The following CLVS1 variants were observed in gnomAD, a reference collection of about 807,000 sequenced individuals.
CLVS1 encodes clavesin 1.
In CLVS1, 10 loss-of-function variants were observed where a neutral mutation model predicts 33.1. The ratio of observed to expected loss-of-function variants is 0.30; its 90% CI spans 0.19 to 0.51. The LOEUF (loss-of-function observed/expected upper bound fraction) is 0.51, where lower values mean the gene tolerates loss of function less well. Ranked by LOEUF, CLVS1 falls within the 20% of genes least tolerant of loss-of-function variation. The probability of loss-of-function intolerance (pLI) is 0.97; values close to 1 mark genes in which losing one functional copy is unlikely to be tolerated. For synonymous variants in CLVS1, 163 were observed against 166.1 expected, an observed-to-expected ratio of 0.98 and a Z score of 0.14; for missense variants, 343 against 433.4, an observed-to-expected ratio of 0.79 and a Z score of 1.85.
At chr8:61,062,684 G>A (rs1013470514) in intron 1 of CLVS1, among the ~76,000 whole-genome samples, 8 of 152,236 alleles carry the variant, frequency 5.3e-5, no homozygotes, top group Non-Finnish European at 1.0e-4. Context: ...TGAAAGTTGT[G>A]AAGTCTCTAG....
chr8:61,107,294 G>T (rs1183187356), intron 1 of CLVS1, among the ~76,000 whole-genome samples: 1 of 152,186 alleles, frequency 6.6e-6, no homozygotes, highest in Admixed American at 6.5e-5. Flanking sequence ...GACCCTTTTA[G>T]TTGGTTTGGA....
chr8:61,203,028 A>G, intron 2 of CLVS1: 1 of 1,326,310 alleles, frequency 7.5e-7, no homozygotes, highest in Non-Finnish European at 1.1e-6. Flanking sequence ...AATCTTTCAA[A>G]AAACAGGAAA....
intron 2 of CLVS1, among the ~76,000 whole-genome samples, chr8:61,221,476 A>T (rs1340681239): frequency 6.6e-6 from 1 of 152,076 alleles, no homozygotes; most frequent in Non-Finnish European, 1.5e-5. Context: ...TGTTTATGTG[A>T]TGGATTACAT....
chr8:60,976,425 A>C, the CLVS1 span, among the ~76,000 whole-genome samples: 2 of 151,452 alleles, frequency 1.3e-5, no homozygotes, highest in Non-Finnish European at 2.9e-5. Context: ...TGGCATAATC[A>C]TGGCTCACTG....
chr8:61,396,795 C>T (rs532473763), intron 3 of CLVS1, among the ~76,000 whole-genome samples: 58 of 152,260 alleles, frequency 3.8e-4, no homozygotes, highest in African/African-American at 1.2e-3. Context: ...ATACAATATG[C>T]GGTCCTTTGT....
chr8:61,406,840 C>A (rs1328705323), intron 3 of CLVS1, among the ~76,000 whole-genome samples: 1 of 152,162 alleles, frequency 6.6e-6, no homozygotes, highest in Non-Finnish European at 1.5e-5. Flanking sequence ...AACTCCTGCG[C>A]TCAGGCAATC....
chr8:61,219,705 A>G (rs1808169183), intron 2 of CLVS1, among the ~76,000 whole-genome samples: 1 of 152,156 alleles, frequency 6.6e-6, no homozygotes, highest in Admixed American at 6.5e-5. Flanking sequence ...CTGGTTCTAG[A>G]TCCTTGAGGA....
chr8:60,987,649 A>G, the CLVS1 span, among the ~76,000 whole-genome samples: 1 of 152,200 alleles, frequency 6.6e-6, no homozygotes. Flanking sequence ...CTTTACAGGG[A>G]TGTTATGAGG....
chr8:61,363,759 G>A (rs761340385), intron 2 of CLVS1, among the ~76,000 whole-genome samples: 25 of 152,288 alleles, frequency 1.6e-4, no homozygotes, highest in Middle Eastern at 3.4e-3. Flanking sequence ...CTTAGAATTA[G>A]GCTGGAGCCT....
intron 2 of CLVS1, among the ~76,000 whole-genome samples, chr8:61,273,461 C>T (rs1401614450): frequency 2.7e-5 from 4 of 149,682 alleles, no homozygotes; most frequent in Non-Finnish European, 3.0e-5. Flanking sequence ...TGTGCCCTGC[C>T]CCCAGAGGTG....
chr8:61,424,511 T>C (rs1410334845), intron 3 of CLVS1, among the ~76,000 whole-genome samples: 6 of 152,244 alleles, frequency 3.9e-5, no homozygotes, highest in Non-Finnish European at 8.8e-5. Context: ...ATTAACTAAG[T>C]AGTAGTCTAT....
At chr8:60,966,527 G>T in the CLVS1 span, 1 of 366,540 alleles carries the variant, frequency 2.7e-6, no homozygotes, top group South Asian at 2.0e-5. Flanking sequence ...CCCAATATAT[G>T]CCAGAGAAAC....
chr8:61,035,187 CTTT>C, the CLVS1 span, among the ~76,000 whole-genome samples: 846 of 129,402 alleles, frequency 6.5e-3, 5 homozygotes, highest in African/African-American at 0.023. Flanking sequence ...TTTCTTTTTT[CTTT>C]TTTTTTTTTT....
the CLVS1 span, among the ~76,000 whole-genome samples, chr8:61,025,132 C>G: frequency 6.6e-6 from 1 of 152,212 alleles, no homozygotes; most frequent in African/African-American, 2.4e-5. Flanking sequence ...CAGGCATGAG[C>G]CACCATGCCC....
chr8:61,255,344 A>G (rs1044502058), intron 2 of CLVS1, among the ~76,000 whole-genome samples: 2 of 151,616 alleles, frequency 1.3e-5, no homozygotes, highest in Non-Finnish European at 2.9e-5. Context: ...ACATTACCAG[A>G]CTTCTCTTTA....
At chr8:61,315,711 C>T (rs765197215) in intron 2 of CLVS1, among the ~76,000 whole-genome samples, 6 of 152,154 alleles carry the variant, frequency 3.9e-5, no homozygotes, top group Non-Finnish European at 5.9e-5. Context: ...GAATAAGTGG[C>T]ACCCCTTAAC....
chr8:60,979,974 A>G, the CLVS1 span, among the ~76,000 whole-genome samples: 1 of 152,212 alleles, frequency 6.6e-6, no homozygotes. Context: ...TGAAAAAGAC[A>G]TGATCTCTGC....
At chr8:61,273,755 C>T (rs1455346195) in intron 2 of CLVS1, among the ~76,000 whole-genome samples, 1 of 152,242 alleles carries the variant, frequency 6.6e-6, no homozygotes, top group Non-Finnish European at 1.5e-5. Flanking sequence ...CCCGATTTTC[C>T]AGGTGCTGCC....
chr8:61,288,196 G>A lies in CLVS1; in HGVS notation c.-152+58G>A, dbSNP rs575449347. ...TGCCGAGCCTCCCCGCCTTTCCCCCGCTCTTTCGATGCCATGGCTGCGGCG... is the reference window on the plus strand; with the variant it reads ...TGCCGAGCCTCCCCGCCTTTCCCCCACTCTTTCGATGCCATGGCTGCGGCG... On this transcript the variant is annotated intron_variant, in intron 1 of 5. Coordinates refer to ENST00000325897, the MANE Select transcript of CLVS1 (RefSeq NM_173519.3). The A allele has an allele frequency of 1.1e-5, 5 of 456,096 alleles. No individual in the cohort carries two copies. The East Asian group carries it at 3.5e-4, about 32-fold the overall frequency. The allele number at this position is 456,096 out of a possible 1,614,324, so 28.3% of individuals were successfully genotyped here.
Sources: allele counts gnomAD v4.1 joint callset (sites outside exome capture counted in the v4.1 genomes callset), GRCh38; gene constraint gnomAD v4.1.1; transcripts MANE v1.5; gene names NCBI Gene and HGNC (gene_info 2026-07-23, HGNC 2026-07-21).